The following C6orf89 variants were observed in gnomAD, a reference collection of about 807,000 sequenced individuals.
C6orf89 encodes the protein bombesin receptor-activated protein C6orf89.
In C6orf89, 29 loss-of-function variants were observed where a neutral mutation model predicts 40.7. The ratio of observed to expected loss-of-function variants is 0.71; its 90% CI spans 0.53 to 0.97. C6orf89 has a LOEUF of 0.97. Ranked by LOEUF, C6orf89 falls within the 50% of genes least tolerant of loss-of-function variation. The pLI is 0.00. For missense variants in C6orf89, 392 were observed against 429.1 expected (o/e 0.91, Z 0.76); for synonymous variants, 165 against 152.2 (o/e 1.08, Z -0.62).
intron 4 of C6orf89, among the ~76,000 whole-genome samples, chr6:36,903,297 G>T (rs938552306): frequency 6.6e-6 from 1 of 151,804 alleles, no homozygotes; most frequent in African/African-American, 2.4e-5. Flanking sequence ...GATTTTTTTG[G>T]TGATGTTTAT....
chr6:36,895,165 T>C (rs1472721513), intron 2 of C6orf89, among the ~76,000 whole-genome samples: 1 of 152,190 alleles, frequency 6.6e-6, no homozygotes, highest in Non-Finnish European at 1.5e-5. Context: ...TGATGTTCCT[T>C]AGAAGTGACT....
chr6:36,915,241 G>A (rs866822560), intron 6 of C6orf89, among the ~76,000 whole-genome samples: 3 of 152,192 alleles, frequency 2.0e-5, no homozygotes, highest in Non-Finnish European at 4.4e-5. Context: ...AATTTATTTC[G>A]AAGTATGCAT....
intron 1 of C6orf89, chr6:36,874,859 G>T: frequency 6.8e-7 from 1 of 1,462,816 alleles, no homozygotes; most frequent in Non-Finnish European, 9.4e-7. Flanking sequence ...CACACTTCCG[G>T]TCCGTTCAAC....
At chr6:36,922,428 A>T (rs1762545027) in intron 8 of C6orf89, among the ~76,000 whole-genome samples, 1 of 152,232 alleles carries the variant, frequency 6.6e-6, no homozygotes, top group Non-Finnish European at 1.5e-5. Context: ...GATTATTGAA[A>T]GGTTGAAGTT....
At chr6:36,883,960 T>C (rs758491652), upstream of C6orf89, among the ~76,000 whole-genome samples, 2 of 152,152 alleles carry the variant, frequency 1.3e-5, no homozygotes, top group Admixed American at 1.3e-4. Flanking sequence ...ATACAGCAAA[T>C]GTAAATTATA....
At position 36,899,361 on chromosome 6, in the gene C6orf89, T is replaced by C. The variant is rs919589559; in HGVS notation, c.-19-65T>C. ...TTCTCTACAGATGGTCAAGTAGCTT[T>C]GAAGAGGAAGTACCTAAAGAAACCA... On this transcript the variant is annotated intron_variant, in intron 2 of 8. Coordinates refer to ENST00000480824, the MANE Select transcript of C6orf89 (RefSeq NM_001286635.2). 2.0e-5 allele frequency: 29 copies of C among 1,480,240 alleles called. No homozygotes were observed. The African/African-American group carries it at 3.7e-4, about 19-fold the overall frequency. The allele number at this position is 1,480,240 out of a possible 1,614,324, so 91.7% of individuals were successfully genotyped here. A position where few individuals can be genotyped will look rare whatever the true frequency, so the allele number is the denominator to read the frequency against.
rs988476189 is a variant in C6orf89, at chr6:36,875,752, A to T, written c.-627-3256A>T. 2.6e-5 allele frequency among the ~76,000 whole-genome samples: 4 copies of T among 152,386 alleles called. No individual in the cohort carries two copies. In the East Asian group the frequency reaches 5.8e-4, roughly 22 times the overall value. ...CTTAATCTTCAAAATCCCACAAGGT[A>T]GATATTACTATTCCCATTTTACTTT... On this transcript the variant is annotated intron_variant, in intron 1 of 9. Coordinates refer to the C6orf89 transcript ENST00000359359.
At chr6:36,887,055 T>C (rs1775019132) in intron 1 of C6orf89, among the ~76,000 whole-genome samples, 1 of 152,134 alleles carries the variant, frequency 6.6e-6, no homozygotes, top group Non-Finnish European at 1.5e-5. Context: ...AATGTCCAAA[T>C]GCTAGATTCC....
intron 4 of C6orf89, among the ~76,000 whole-genome samples, chr6:36,906,148 G>C (rs1761917161): frequency 6.6e-6 from 1 of 152,238 alleles, no homozygotes. Context: ...AAGGAAGGAT[G>C]AAGTAGATCC....
Position 36,917,816 on chromosome 6 carries a change from T to C in C6orf89, c.825+1242T>C, listed in dbSNP as rs149225766. On this transcript the variant is annotated intron_variant, in intron 7 of 8. Transcript: ENST00000480824. ...ATAATTCTGGGACACGGCTTTATCTTTCTCTTGGTTTTACCACTTGAATAC... is the reference window on the plus strand; with the variant it reads ...ATAATTCTGGGACACGGCTTTATCTCTCTCTTGGTTTTACCACTTGAATAC... 5.9e-3 allele frequency among the ~76,000 whole-genome samples: 900 copies of C among 152,330 alleles called. 2 individuals carry two copies. Among genetic ancestry groups the C allele is most frequent in the African/African-American group, 0.011 (478 of 41,574 alleles).
intron 2 of C6orf89, among the ~76,000 whole-genome samples, chr6:36,898,431 C>G (rs1761532596): frequency 6.6e-6 from 1 of 151,914 alleles, no homozygotes; most frequent in Non-Finnish European, 1.5e-5. Flanking sequence ...AGGCACCCGC[C>G]ACCATGCCAG....
intron 3 of C6orf89, among the ~76,000 whole-genome samples, chr6:36,901,690 A>G (rs933758147): frequency 1.4e-5 from 2 of 142,730 alleles, no homozygotes; most frequent in African/African-American, 2.6e-5. Context: ...TTTTTTTGAG[A>G]CGGAGTCTCT....
At position 36,916,521 on chromosome 6, in the gene C6orf89, G is replaced by A. The variant is rs375478179; in HGVS notation, c.772G>A (p.Ala258Thr). The A allele has an allele frequency of 1.9e-6, 3 of 1,614,196 alleles. No individual in the cohort carries two copies. The highest frequency in any genetic ancestry group is 1.3e-5 in the African/African-American group (1 of 75,046). ...CACTCACCTGCCATTTCCAAAAGAT[G>A]CCTCTTTAAACAAGTGCTCCTTTCT... ...VFTHLPFPKDASLNKCSFLHP... is the reference protein window; with the variant it reads ...VFTHLPFPKDTSLNKCSFLHP... The change falls in exon 7 of 9, where the codon GCC becomes ACC. Residue 258 changes from alanine to threonine, a missense_variant. Transcript: ENST00000480824.
chr6:36,910,741 A>T (rs899103862), intron 4 of C6orf89, among the ~76,000 whole-genome samples: 31 of 151,554 alleles, frequency 2.0e-4, no homozygotes, highest in African/African-American at 7.3e-4. Context: ...AAAAAAAAAA[A>T]GGCTGGTCTC....
At chr6:36,899,380 G>A (rs748111288) in intron 2 of C6orf89, 46 bp from the exon 3 acceptor site, 1 of 1,594,984 alleles carries the variant, frequency 6.3e-7, no homozygotes, top group East Asian at 2.2e-5. Flanking sequence ...AGTACCTAAA[G>A]AAACCACCTT....
chr6:36,895,465 A>G (rs1271794077), intron 2 of C6orf89, among the ~76,000 whole-genome samples: 2 of 152,198 alleles, frequency 1.3e-5, no homozygotes, highest in East Asian at 1.9e-4. Context: ...GTGGTCTCAG[A>G]TAAGTCACTT....
rs548896296 is a variant in C6orf89 at position 36,887,415 on chromosome 6, T to C, written c.-120+1387T>C. ...ATTCCCACGTCTGTTCTTAGTTTTT[T>C]GTGTTTTCTCCATTTATCTCTGCTT... On this transcript the variant is annotated intron_variant, in intron 1 of 8. Transcript: ENST00000480824. 7.9e-5 allele frequency among the ~76,000 whole-genome samples: 12 copies of C among 152,348 alleles called. No homozygotes were observed. The South Asian group carries it at 2.5e-3, about 32-fold the overall frequency.
chr6:36,914,213 T>C, intron 4 of C6orf89, 71 bp from the exon 5 acceptor site: 1 of 1,307,398 alleles, frequency 7.6e-7, no homozygotes, highest in Non-Finnish European at 1.1e-6. Context: ...CTTGTTTCAT[T>C]GTTGGAGCTA....
At chr6:36,906,127 C>T (rs1019681090) in intron 4 of C6orf89, among the ~76,000 whole-genome samples, 2 of 152,168 alleles carry the variant, frequency 1.3e-5, no homozygotes, top group African/African-American at 4.8e-5. Flanking sequence ...CGATGCATCC[C>T]GTAACCTTCA....
Sources: gnomAD v4.1 joint callset for allele counts (sites outside exome capture counted in the v4.1 genomes callset) on GRCh38, gnomAD v4.1.1 for gene constraint, MANE v1.5 for transcripts, NCBI Gene and HGNC (gene_info 2026-07-23, HGNC 2026-07-21) for gene names.